Variants in ZNF343 observed in about 807,000 individuals in gnomAD.
ZNF343 encodes the protein zinc finger protein 343.
ZNF343 carries 11 observed loss-of-function variants against 13.8 expected under a neutral mutation model. The ratio of observed to expected loss-of-function variants is 0.80; its 90% confidence interval spans 0.50 to 1.32. ZNF343 has a LOEUF of 1.32. ZNF343 is among the 40% of genes most tolerant of loss of function. ZNF343 has a pLI of 0.00. For missense variants in ZNF343, 658 were observed against 714.2 expected (o/e 0.92, Z 0.90); for synonymous variants, 248 against 260.0 (o/e 0.95, Z 0.44).
intron 1 of ZNF343, among the ~76,000 whole-genome samples, chr20:2,502,120 G>T (rs2085577422): frequency 6.6e-6 from 1 of 152,168 alleles, no homozygotes; most frequent in Admixed American, 6.5e-5. Context: ...GTCCTTAAAA[G>T]ACCTGATGGA....
At chr20:2,520,361 G>C (rs1434878045) in intron 1 of ZNF343, among the ~76,000 whole-genome samples, 2 of 152,070 alleles carry the variant, frequency 1.3e-5, no homozygotes, top group African/African-American at 4.8e-5. Flanking sequence ...AGCCAGGCGT[G>C]GTACCTCACA....
chr20:2,493,217 A>G (rs1397166939), intron 4 of ZNF343, among the ~76,000 whole-genome samples: 4 of 152,220 alleles, frequency 2.6e-5, no homozygotes, highest in Non-Finnish European at 1.5e-5. Context: ...TGTGCTGGGC[A>G]GTAGGGAGTG....
intron 1 of ZNF343, among the ~76,000 whole-genome samples, chr20:2,516,953 CT>C (rs2085762096): frequency 6.6e-6 from 1 of 152,062 alleles, no homozygotes; most frequent in Non-Finnish European, 1.5e-5. Flanking sequence ...ACGGTCATTA[CT>C]TTTTGTGACT....
rs1478173456 is a variant in ZNF343, at chr20:2,483,608, G to T, written c.1353C>A (p.Thr451=). The change falls in exon 6 of 6, where the codon ACC becomes ACA. Residue 451 remains threonine (T), a synonymous_variant. Coordinates refer to ENST00000278772, the MANE Select transcript of ZNF343 (RefSeq NM_024325.6). ...ECGRGFCDKS[T]LIIHERTHSG... is the part of the protein sequence containing the mutation. ...AGTGCGTCCGCTCGTGTATGATGAG[G>T]GTTGACTTGTCACAAAAGCCTCGCC... The T allele has an allele frequency of 6.2e-7, 1 of 1,610,232 alleles. No homozygotes were observed. The highest frequency in any genetic ancestry group is 1.7e-5 in the Admixed American group (1 of 59,472).
Position 2,484,401 on chromosome 20 carries a change from C to T in ZNF343, c.560G>A (p.Arg187Lys). The change falls in exon 6 of 6, where the codon AGA becomes AAA. Residue 187 changes from arginine to lysine, a missense_variant. Arg to Lys is a conservative substitution (Grantham distance 26). Transcript: ENST00000278772. ...SKPWSARTEE[R>K]ETSRAFPSPL... ...GCTGGGGAATGCCCTTGAGGTTTCTCTCTCCTCTGTCCTTGCAGACCAGGG... is the reference window on the plus strand; with the variant it reads ...GCTGGGGAATGCCCTTGAGGTTTCTTTCTCCTCTGTCCTTGCAGACCAGGG... 1 of 1,614,204 alleles carries T rather than the reference C, an allele frequency of 6.2e-7. No individual in the cohort carries two copies. The highest frequency in any genetic ancestry group is 8.5e-7 in the Non-Finnish European group (1 of 1,180,038).
At position 2,492,796 on chromosome 20, in the gene ZNF343, C is replaced by T. The variant is rs148889227; in HGVS notation, c.207G>A (p.Val69=). The T allele has an allele frequency of 7.4e-6, 12 of 1,613,566 alleles. No individual in the cohort carries two copies. The African/African-American group carries it at 1.6e-4, about 22-fold the overall frequency. ...TCTTCCATTCTGCTTCTGTGAAGAT[C>T]ACAGTCACATCCCTGAATGTAACTG... is the stretch of plus-strand genomic sequence containing the variant. The part of the protein sequence containing the change: ...VVPVTFRDVT[V]IFTEAEWKRL... The change falls in exon 5 of 6, where the codon GTG becomes GTA. Residue 69 remains valine, a synonymous_variant. Transcript: ENST00000278772.
Position 2,493,944 on chromosome 20 carries a change from A to T in ZNF343, c.-49T>A. On this transcript the variant is annotated 5_prime_UTR_variant, in exon 3 of 6. Transcript: ENST00000278772. ...TGCCTTGAAATTCTGCCAGAGGTCC[A>T]GGTAGATGTTATTTCATCTCAAGAT... The T allele has an allele frequency of 8.0e-7, 1 of 1,246,076 alleles. No homozygotes were observed. The allele number at this position is 1,246,076 out of a possible 1,614,324, so 77.2% of individuals were successfully genotyped here.
In ZNF343 at chr20:2,482,819, G is replaced by C. The variant is rs907449156; in HGVS notation, c.*342C>G. The C allele has an allele frequency of 1.1e-4, 29 of 269,874 alleles. No individual in the cohort carries two copies. Among genetic ancestry groups the C allele is most frequent in the African/African-American group, 5.8e-4 (27 of 46,240 alleles). The allele number at this position is 269,874 out of a possible 1,614,324, so 16.7% of individuals were successfully genotyped here. A position where few individuals can be genotyped will look rare whatever the true frequency, so the allele number is the denominator to read the frequency against. On this transcript the variant is annotated 3_prime_UTR_variant, in exon 6 of 6. Transcript: ENST00000278772. ...TACTGATGCTCCCCAACACTCCCCA[G>C]ACAAGGGTGCTTTCCCCTGAGGCTG...
chr20:2,523,649 G>A (rs2085791960), intron 1 of ZNF343, among the ~76,000 whole-genome samples: 1 of 147,652 alleles, frequency 6.8e-6, no homozygotes, highest in Non-Finnish European at 1.5e-5. Context: ...ACCTTTTCCA[G>A]CTAAACCCCA....
At position 2,484,733 on chromosome 20, in the gene ZNF343, A is replaced by G. The variant is rs1600028126; in HGVS notation, c.305-77T>C. On this transcript the variant is annotated intron_variant, in intron 5 of 5. Transcript: ENST00000278772. ...TGTTCTGCCTTGTCTTAGGACAGAG[A>G]ATGTTTTACTGCCATGCCTATAATT... 3 of 1,334,620 alleles carry G rather than the reference A, an allele frequency of 2.2e-6. No individual in the cohort carries two copies. The South Asian group carries it at 4.3e-5, about 19-fold the overall frequency. 82.7% of individuals were successfully genotyped at this position (1,334,620 alleles called of 1,614,324 possible). A position where few individuals can be genotyped will look rare whatever the true frequency, so the allele number is the denominator to read the frequency against.
intron 5 of ZNF343, among the ~76,000 whole-genome samples, chr20:2,491,541 C>T (rs1013349409): frequency 6.6e-6 from 1 of 151,940 alleles, no homozygotes; most frequent in Non-Finnish European, 1.5e-5. Flanking sequence ...CACCTACAAG[C>T]TAAGAATGGT....
At chr20:2,516,910 T>C (rs2085761844) in intron 1 of ZNF343, among the ~76,000 whole-genome samples, 5 of 152,284 alleles carry the variant, frequency 3.3e-5, no homozygotes, top group African/African-American at 1.2e-4. Context: ...TGAGTTGACA[T>C]TGAGGATGTC....
chr20:2,511,468 T>C (rs145153376), upstream of ZNF343, among the ~76,000 whole-genome samples: 63 of 152,246 alleles, frequency 4.1e-4, no homozygotes, highest in Non-Finnish European at 7.9e-4. Context: ...TGTGGGACAA[T>C]TGGGACAGTT....
intron 1 of ZNF343, among the ~76,000 whole-genome samples, chr20:2,519,645 G>A (rs150240258): frequency 6.6e-6 from 1 of 152,164 alleles, no homozygotes; most frequent in Non-Finnish European, 1.5e-5. Context: ...TTTCTCTGGA[G>A]AACCCTGACT....
At chr20:2,489,217 T>G (rs1182310468) in intron 5 of ZNF343, among the ~76,000 whole-genome samples, 1 of 152,224 alleles carries the variant, frequency 6.6e-6, no homozygotes, top group African/African-American at 2.4e-5. Context: ...GAATTAACTT[T>G]GAAATAATTT....
intron 1 of ZNF343, among the ~76,000 whole-genome samples, chr20:2,520,067 T>C (rs774062945): frequency 6.6e-6 from 1 of 152,238 alleles, no homozygotes; most frequent in Non-Finnish European, 1.5e-5. Flanking sequence ...GCTTGTTTAC[T>C]GCTTGGTTGT....
upstream of ZNF343, among the ~76,000 whole-genome samples, chr20:2,524,957 C>T (rs1278090803): frequency 3.3e-5 from 5 of 152,214 alleles, no homozygotes; most frequent in Non-Finnish European, 5.9e-5. Flanking sequence ...AGCGGAGTCC[C>T]CCTCTCCGGA....
At position 2,518,009 on chromosome 20, in the gene ZNF343, T is replaced by C. The variant is rs2122759810; in HGVS notation, c.-347+6446A>G. Among the ~76,000 whole-genome samples, 1 of 151,928 alleles carries C rather than the reference T, an allele frequency of 6.6e-6. No homozygotes were observed. The highest frequency in any genetic ancestry group is 2.1e-4 in the South Asian group (1 of 4,800). On this transcript the variant is annotated intron_variant, in intron 1 of 6. Coordinates refer to the ZNF343 transcript ENST00000358413. The surrounding 1 kb of genome is among the most constrained non-coding windows in gnomAD (Gnocchi z 4.6). ...TACTCAAAGGTTTATTTTTTTTTCC[T>C]TTTTTCTCTCTTTTTTTTTTTCGAG...
chr20:2,524,507 C>CA (rs2085796319), exon 1 of ZNF343: 1 of 152,698 alleles, frequency 6.5e-6, no homozygotes, highest in Non-Finnish European at 1.5e-5. Flanking sequence ...ACTGCCTGCC[C>CA]CTGCCCCGAA....
Sources: gnomAD v4.1 joint callset for allele counts (sites outside exome capture counted in the v4.1 genomes callset) on GRCh38, gnomAD v4.1.1 for gene constraint, Gnocchi (gnomAD v3.1) non-coding constraint, MANE v1.5 for transcripts, NCBI Gene and HGNC (gene_info 2026-07-23, HGNC 2026-07-21) for gene names.